The following SUSD4 variants were observed in gnomAD, a reference collection of about 807,000 sequenced individuals.
The protein encoded by SUSD4 is sushi domain-containing protein 4.
In SUSD4, 41 loss-of-function variants were observed where a neutral mutation model predicts 50.5. The observed-to-expected ratio is 0.81, with a 90% CI of 0.63 to 1.05. SUSD4 has a LOEUF of 1.05. Among genes scored for constraint, SUSD4 ranks in the 50% least tolerant of loss-of-function variants. The pLI is 0.00. For synonymous variants in SUSD4, 257 were observed against 257.3 expected (o/e 1.00, Z 0.01); for missense variants, 580 against 634.7 (o/e 0.91, Z 0.93).
chr1:223,354,240 C>A (rs1320354497), intron 2 of SUSD4, among the ~76,000 whole-genome samples: 2 of 151,286 alleles, frequency 1.3e-5, no homozygotes, highest in African/African-American at 4.9e-5. Context: ...CTCCCGCCCC[C>A]AAATAAGAGG....
intron 2 of SUSD4, among the ~76,000 whole-genome samples, chr1:223,323,724 G>A (rs1021693767): frequency 1.3e-5 from 2 of 152,134 alleles, no homozygotes. Flanking sequence ...CTGAATGCCA[G>A]CAGGATGCAT....
Position 223,227,564 on chromosome 1 carries a change from G to A in SUSD4, c.1061+30C>T, listed in dbSNP as rs568289822. 6.2e-7 allele frequency: 1 copy of A among 1,607,604 alleles called. No homozygotes were observed. Among genetic ancestry groups the A allele is most frequent in the Admixed American group, 1.7e-5 (1 of 59,866 alleles). ...GGGTAGCTGCATTGAGTCAGACCTT[G>A]AGCCACAGCTGCCAAGACATGACAC... is the stretch of plus-strand genomic sequence containing the variant. On this transcript the variant is annotated intron_variant, in intron 7 of 8. Coordinates refer to ENST00000366878, the MANE Select transcript of SUSD4 (RefSeq NM_017982.4). The surrounding 1 kb of genome is among the most constrained non-coding windows in gnomAD (Gnocchi z 4.5).
chr1:223,246,448 C>T (rs888335314), intron 5 of SUSD4, among the ~76,000 whole-genome samples: 1 of 152,038 alleles, frequency 6.6e-6, no homozygotes, highest in Admixed American at 6.6e-5. Context: ...AAGCAGAGGC[C>T]GGAGGGTCCA....
chr1:223,335,080 A>G (rs1041914641), intron 2 of SUSD4, among the ~76,000 whole-genome samples: 1 of 152,164 alleles, frequency 6.6e-6, no homozygotes, highest in Non-Finnish European at 1.5e-5. Flanking sequence ...CTAGTACTCA[A>G]TCATATATAT....
Position 223,239,899 on chromosome 1 carries a change from C to T in SUSD4, c.725-10511G>A, listed in dbSNP as rs149588246. Among the ~76,000 whole-genome samples the T allele has an allele frequency of 2.6e-4, 40 of 152,012 alleles. 1 individual carries two copies. In the East Asian group the frequency reaches 7.3e-3, roughly 28 times the overall value. ...GTGTTCTTCCTTTCTTTATGTAGAC[C>T]CAACTTTCTGACCTATATTACTTTC... On this transcript the variant is annotated intron_variant, in intron 5 of 8. Transcript: ENST00000366878.
chr1:223,323,738 G>A (rs1393327006), intron 2 of SUSD4, among the ~76,000 whole-genome samples: 1 of 152,126 alleles, frequency 6.6e-6, no homozygotes, highest in African/African-American at 2.4e-5. Flanking sequence ...GATGCATGAT[G>A]ACAAAAGGGC....
At chr1:223,319,546 A>G (rs1666447474) in intron 2 of SUSD4, among the ~76,000 whole-genome samples, 1 of 152,124 alleles carries the variant, frequency 6.6e-6, no homozygotes, top group Non-Finnish European at 1.5e-5. Context: ...TGCTCACAAT[A>G]CACCCCCTTA....
intron 3 of SUSD4, chr1:223,289,049 C>T: frequency 4.2e-6 from 4 of 959,128 alleles, no homozygotes; most frequent in Non-Finnish European, 5.0e-6. Flanking sequence ...CCCAAGTAGA[C>T]ATAACTGAGT....
At chr1:223,237,514 A>T (rs1660302787) in intron 5 of SUSD4, among the ~76,000 whole-genome samples, 1 of 151,850 alleles carries the variant, frequency 6.6e-6, no homozygotes. Flanking sequence ...ACGGTTGAGG[A>T]TGTTGCCCTT....
chr1:223,353,162 G>T (rs1373264284), intron 2 of SUSD4, among the ~76,000 whole-genome samples: 1 of 152,148 alleles, frequency 6.6e-6, no homozygotes, highest in Non-Finnish European at 1.5e-5. Flanking sequence ...AGCAGGCACT[G>T]AGAACAGACT....
At chr1:223,320,887 C>T (rs1666533813) in intron 2 of SUSD4, among the ~76,000 whole-genome samples, 1 of 152,218 alleles carries the variant, frequency 6.6e-6, no homozygotes, top group Middle Eastern at 3.2e-3. Flanking sequence ...AGTTAAATTG[C>T]ACCTGGCCTT....
chr1:223,327,152 T>C (rs1380355013), intron 2 of SUSD4, among the ~76,000 whole-genome samples: 1 of 152,212 alleles, frequency 6.6e-6, no homozygotes, highest in Non-Finnish European at 1.5e-5. Context: ...TACTCTGCCA[T>C]GTAAAGGAAC....
At chr1:223,241,629 C>T (rs1374934354) in intron 5 of SUSD4, among the ~76,000 whole-genome samples, 4 of 152,140 alleles carry the variant, frequency 2.6e-5, no homozygotes, top group Non-Finnish European at 4.4e-5. Context: ...TGGTGACTTC[C>T]GAACTCCTTA....
At position 223,319,437 on chromosome 1, in the gene SUSD4, T is replaced by A. The variant is rs889757143; in HGVS notation, c.149-26786A>T. ...AAGGGCTAATATCCAGAATCTACAA[T>A]GAACTCAAACAAATTTACAAGAAAA... On this transcript the variant is annotated intron_variant, in intron 2 of 8. Transcript: ENST00000366878. Among the ~76,000 whole-genome samples, 3 of 152,096 alleles carry A rather than the reference T, an allele frequency of 2.0e-5. No individual in the cohort carries two copies. The South Asian group carries it at 6.2e-4, about 32-fold the overall frequency.
intron 2 of SUSD4, among the ~76,000 whole-genome samples, chr1:223,312,402 A>T (rs1006988622): frequency 2.6e-5 from 4 of 152,140 alleles, no homozygotes; most frequent in African/African-American, 9.7e-5. Flanking sequence ...GCTCCTGGGG[A>T]TAGGGTTAGA....
intron 2 of SUSD4, among the ~76,000 whole-genome samples, chr1:223,355,521 T>TTTTC (rs1258390806): frequency 6.6e-6 from 1 of 152,150 alleles, no homozygotes; most frequent in Non-Finnish European, 1.5e-5. Flanking sequence ...ACCAGGCCCA[T>TTTTC]TTTCTTTCTT....
At chr1:223,348,835 C>A (rs549014872) in intron 2 of SUSD4, among the ~76,000 whole-genome samples, 27 of 152,192 alleles carry the variant, frequency 1.8e-4, no homozygotes, top group Non-Finnish European at 3.5e-4. Flanking sequence ...GGTTAATGAA[C>A]CCATCTGAGA....
At chr1:223,268,435 T>G (rs1662672117) in intron 4 of SUSD4, 67 bp downstream of exon 4, 1 of 1,538,382 alleles carries the variant, frequency 6.5e-7, no homozygotes, top group Non-Finnish European at 8.8e-7. Flanking sequence ...GATAAACATG[T>G]ACACAGTCTA....
chr1:223,330,124 C>A (rs1273996015), intron 2 of SUSD4, among the ~76,000 whole-genome samples: 7 of 152,164 alleles, frequency 4.6e-5, no homozygotes, highest in Non-Finnish European at 1.0e-4. Flanking sequence ...TTTTGTATTT[C>A]TTTGGGAAAG....
Sources: allele counts gnomAD v4.1 joint callset (sites outside exome capture counted in the v4.1 genomes callset), GRCh38; gene constraint gnomAD v4.1.1; non-coding constraint Gnocchi (gnomAD v3.1); transcripts MANE v1.5; gene names NCBI Gene and HGNC (gene_info 2026-07-23, HGNC 2026-07-21).